MIGA1: variants seen among roughly 807,000 people sequenced by gnomAD.
MIGA1 encodes family with sequence similarity 73, member A.
MIGA1 carries 58 observed loss-of-function variants against 82.0 expected under a neutral mutation model. That is an observed-to-expected ratio of 0.71 (90% confidence interval 0.57 to 0.88). The LOEUF (loss-of-function observed/expected upper bound fraction) is 0.88. Among genes scored for constraint, MIGA1 ranks in the 40% least tolerant of loss-of-function variants. The pLI is 0.00. For missense variants in MIGA1, 751 were observed against 749.1 expected (o/e 1.00, Z -0.03); for synonymous variants, 249 against 253.6 (o/e 0.98, Z 0.17).
chr1:77,868,100 G>C (rs1685743381), intron 14 of MIGA1: 1 of 152,176 alleles, frequency 6.6e-6, no homozygotes, highest in African/African-American at 2.4e-5. Context: ...AAGGATGAAA[G>C]CGATGATATC....
intron 1 of MIGA1, among the ~76,000 whole-genome samples, chr1:77,780,908 C>CTT (rs1351911649): frequency 2.3e-5 from 3 of 133,244 alleles, no homozygotes; most frequent in Non-Finnish European, 3.3e-5. Flanking sequence ...TTTCTTTTTT[C>CTT]TTTTTTTTTT....
intron 2 of MIGA1, among the ~76,000 whole-genome samples, chr1:77,798,065 G>A (rs574620896): frequency 6.6e-6 from 1 of 152,250 alleles, no homozygotes; most frequent in South Asian, 2.1e-4. Context: ...TTAGCTACAG[G>A]TTTTTAAAAT....
intron 7 of MIGA1, among the ~76,000 whole-genome samples, chr1:77,834,429 G>A (rs1684354571): frequency 6.6e-6 from 1 of 152,162 alleles, no homozygotes; most frequent in Admixed American, 6.5e-5. Flanking sequence ...TCCCGCCTCA[G>A]CCTCCCAAAG....
At chr1:77,806,859 T>A in intron 4 of MIGA1, 116 bp from the exon 5 acceptor site, 8 of 643,174 alleles carry the variant, frequency 1.2e-5, no homozygotes, top group East Asian at 3.0e-5. Context: ...CATGTGGAAA[T>A]TACATGGATT....
chr1:77,798,408 G>GA (rs1682746111), intron 2 of MIGA1, among the ~76,000 whole-genome samples: 1 of 152,192 alleles, frequency 6.6e-6, no homozygotes, highest in Non-Finnish European at 1.5e-5. Context: ...CATGGCTGGT[G>GA]AGGCCTCACA....
chr1:77,836,171 G>A (rs1684417016), intron 7 of MIGA1, among the ~76,000 whole-genome samples: 1 of 151,742 alleles, frequency 6.6e-6, no homozygotes, highest in Admixed American at 6.6e-5. Flanking sequence ...AGAACTGTAC[G>A]AACCACCAGG....
intron 4 of MIGA1, among the ~76,000 whole-genome samples, chr1:77,805,779 T>C (rs1246880634): frequency 6.6e-6 from 1 of 151,686 alleles, no homozygotes; most frequent in Non-Finnish European, 1.5e-5. Context: ...CGTTTTGGCC[T>C]CCAAAGTGCT....
At chr1:77,821,594 C>T (rs953010998) in intron 7 of MIGA1, among the ~76,000 whole-genome samples, 1 of 152,048 alleles carries the variant, frequency 6.6e-6, no homozygotes, top group Non-Finnish European at 1.5e-5. Context: ...AGGGTTTCTC[C>T]ATGTTGGTCA....
At chr1:77,835,808 C>T (rs956515936) in intron 7 of MIGA1, among the ~76,000 whole-genome samples, 6 of 151,932 alleles carry the variant, frequency 3.9e-5, no homozygotes, top group African/African-American at 7.3e-5. Flanking sequence ...ATTAGCCAGG[C>T]GTGGTGGTGC....
chr1:77,863,212 TTCTC>T (rs952448415), intron 12 of MIGA1, among the ~76,000 whole-genome samples: 2 of 152,302 alleles, frequency 1.3e-5, no homozygotes, highest in South Asian at 4.1e-4. Context: ...TCTTCGACTT[TTCTC>T]TCTTTCTGTC....
chr1:77,799,172 G>A (rs1249301426), intron 2 of MIGA1, among the ~76,000 whole-genome samples: 1 of 151,956 alleles, frequency 6.6e-6, no homozygotes, highest in African/African-American at 2.4e-5. Flanking sequence ...TATTTTTTGT[G>A]ATGTCTTTGT....
intron 3 of MIGA1, 57 bp downstream of exon 3, chr1:77,801,565 C>T: frequency 2.1e-6 from 3 of 1,447,918 alleles, no homozygotes; most frequent in Non-Finnish European, 2.7e-6. Flanking sequence ...AACTGGAATA[C>T]AGTGATTTTG....
At chr1:77,817,955 A>ATTTT (rs10676009) in intron 7 of MIGA1, among the ~76,000 whole-genome samples, 9 of 115,600 alleles carry the variant, frequency 7.8e-5, no homozygotes, top group Non-Finnish European at 1.0e-4. Context: ...AGATTGGAAG[A>ATTTT]TTTTTTTTTT....
intron 7 of MIGA1, among the ~76,000 whole-genome samples, chr1:77,838,790 A>G (rs531998540): frequency 8.7e-4 from 132 of 152,198 alleles, no homozygotes; most frequent in African/African-American, 3.1e-3. Context: ...AAGTGTGTTT[A>G]GTTTTGTCTG....
rs1012138173 is a variant in MIGA1 at position 77,805,341 on chromosome 1, AT to A, written c.511-1633del. On this transcript the variant is annotated intron_variant, in intron 4 of 15. Coordinates refer to ENST00000370791, the MANE Select transcript of MIGA1 (RefSeq NM_198549.4). ...GAATATATAGCTGCCCTATTCTGTAATGCCTAAAAATGTACTAAATTTTTAA... is the reference window on the plus strand; with the variant it reads ...GAATATATAGCTGCCCTATTCTGTAAGCCTAAAAATGTACTAAATTTTTAA... Among the ~76,000 whole-genome samples, 6 of 151,690 alleles carry A rather than the reference AT, an allele frequency of 4.0e-5. No individual in the cohort carries two copies. The East Asian group carries it at 1.2e-3, about 30-fold the overall frequency.
rs192898910 is a variant in MIGA1 at position 77,812,603 on chromosome 1, T to G, written c.638-1131T>G. On this transcript the variant is annotated intron_variant, in intron 5 of 15. Coordinates refer to ENST00000370791, the MANE Select transcript of MIGA1 (RefSeq NM_198549.4). ...TCAAGAGAATGACTTGCCCAGATTC[T>G]TAAACAGCTTTTAAAGATCTTTTTC... Among the ~76,000 whole-genome samples the G allele has an allele frequency of 1.6e-4, 24 of 152,382 alleles. No homozygotes were observed. The East Asian group carries it at 4.6e-3, about 29-fold the overall frequency.
At chr1:77,803,519 A>G (rs1274423772) in intron 4 of MIGA1, 113 bp downstream of exon 4, 1 of 451,838 alleles carries the variant, frequency 2.2e-6, no homozygotes, top group Non-Finnish European at 3.7e-6. Context: ...CTCTTAAGAA[A>G]TCGTCTGAAT....
At chr1:77,863,803 C>G (rs1348412656) in intron 12 of MIGA1, 91 bp from the exon 13 acceptor site, 2 of 882,218 alleles carry the variant, frequency 2.3e-6, no homozygotes, top group East Asian at 3.1e-5. Context: ...AAAAAAAACC[C>G]CTGCTGTTAT....
chr1:77,792,325 G>T (rs1433061181), intron 2 of MIGA1, among the ~76,000 whole-genome samples: 1 of 152,146 alleles, frequency 6.6e-6, no homozygotes, highest in Non-Finnish European at 1.5e-5. Context: ...TATCAGTTTT[G>T]AGGTAATCTC....
Sources: allele counts gnomAD v4.1 joint callset (sites outside exome capture counted in the v4.1 genomes callset), GRCh38; gene constraint gnomAD v4.1.1; transcripts MANE v1.5; gene names NCBI Gene and HGNC (gene_info 2026-07-23, HGNC 2026-07-21).